The following KIF16B variants were observed in gnomAD, a reference collection of about 807,000 sequenced individuals.
KIF16B encodes kinesin-like protein KIF16B.
A neutral mutation model predicts 156.3 loss-of-function variants in KIF16B; 98 were observed. The ratio of observed to expected loss-of-function variants is 0.63; its 90% CI spans 0.53 to 0.74. The LOEUF (loss-of-function observed/expected upper bound fraction) is 0.74. Among genes scored for constraint, KIF16B ranks in the 30% least tolerant of loss-of-function variants. KIF16B has a pLI of 0.00. For missense variants in KIF16B, 1,421 were observed against 1,606.5 expected (o/e 0.88, Z 1.97); for synonymous variants, 564 against 583.7 (o/e 0.97, Z 0.49).
chr20:16,444,216 C>A (rs921653655), intron 12 of KIF16B, among the ~76,000 whole-genome samples: 2 of 152,210 alleles, frequency 1.3e-5, no homozygotes, highest in Non-Finnish European at 1.5e-5. Context: ...GCAGTGTCTT[C>A]TACAGTGAAA....
chr20:16,564,207 A>G (rs1254917376), intron 1 of KIF16B, among the ~76,000 whole-genome samples: 1 of 152,172 alleles, frequency 6.6e-6, no homozygotes, highest in East Asian at 1.9e-4. Flanking sequence ...TCCTTGCGGT[A>G]ATTTGCTGAG....
intron 12 of KIF16B, among the ~76,000 whole-genome samples, chr20:16,471,888 G>A (rs915595170): frequency 1.6e-4 from 25 of 152,246 alleles, no homozygotes; most frequent in African/African-American, 6.0e-4. Context: ...GAAATTCTGT[G>A]ATTACACAAA....
At chr20:16,366,067 T>G (rs1409677925) in intron 22 of KIF16B, among the ~76,000 whole-genome samples, 1 of 85,458 alleles carries the variant, frequency 1.2e-5, no homozygotes, top group Admixed American at 1.1e-4. Context: ...ATAGGATTTT[T>G]GGACAGAGGG....
At chr20:16,502,497 C>T (rs1428657480) in intron 10 of KIF16B, among the ~76,000 whole-genome samples, 3 of 152,060 alleles carry the variant, frequency 2.0e-5, no homozygotes, top group African/African-American at 7.2e-5. Flanking sequence ...ATTTTATCTG[C>T]AATGCGTTCT....
intron 23 of KIF16B, among the ~76,000 whole-genome samples, chr20:16,343,385 G>A (rs1434392673): frequency 1.3e-5 from 2 of 152,208 alleles, no homozygotes; most frequent in Non-Finnish European, 2.9e-5. Context: ...ATCTAGCAGT[G>A]TAAAGAGGAG....
rs577580814 is a variant in KIF16B at position 16,371,482 on chromosome 20, T to C, written c.3447+183A>G. On this transcript the variant is annotated intron_variant, in intron 21 of 25. Transcript: ENST00000354981. ...GGCAGGCGCCTATAGTCCCAGCTAC[T>C]TGGGAGGCTGAGGCATGAGAGTTGT... Among the ~76,000 whole-genome samples, 3 of 151,064 alleles carry C rather than the reference T, an allele frequency of 2.0e-5. 1 individual carries two copies. The highest frequency in any genetic ancestry group is 4.4e-5 in the Non-Finnish European group (3 of 67,846).
chr20:16,414,786 C>G (rs746052071), intron 15 of KIF16B, among the ~76,000 whole-genome samples: 8 of 152,106 alleles, frequency 5.3e-5, no homozygotes, highest in Non-Finnish European at 7.4e-5. Flanking sequence ...ACACCTCATG[C>G]GAGAAACAAA....
In KIF16B at chr20:16,280,867, T is replaced by TGTGTGTGTGTGTGCGC. The variant is rs758721339; in HGVS notation, c.3796-7457_3796-7456insGCGCACACACACACAC. ...GTGTGTGTGTGTGTGTGTGTGTGTG[T>TGTGTGTGTGTGTGCGC]GCGCAGAAAATGCAAGCATGAGAAT... On this transcript the variant is annotated intron_variant, in intron 25 of 25. Coordinates refer to ENST00000354981, the MANE Select transcript of KIF16B (RefSeq NM_024704.5). Among the ~76,000 whole-genome samples the TGTGTGTGTGTGTGCGC allele has an allele frequency of 4.8e-3, 724 of 150,888 alleles. 3 individuals carry two copies. The highest frequency in any genetic ancestry group is 0.015 in the African/African-American group (622 of 40,950).
chr20:16,527,213 G>C (rs1439356405), intron 2 of KIF16B, among the ~76,000 whole-genome samples: 1 of 152,230 alleles, frequency 6.6e-6, no homozygotes, highest in African/African-American at 2.4e-5. Context: ...GAGCTGGAAG[G>C]CACAAGGGTT....
chr20:16,284,637 C>G (rs893170521), intron 25 of KIF16B, among the ~76,000 whole-genome samples: 2 of 152,154 alleles, frequency 1.3e-5, no homozygotes, highest in African/African-American at 4.8e-5. Flanking sequence ...TTCGCCATGT[C>G]GTGTAGCACA....
intron 14 of KIF16B, among the ~76,000 whole-genome samples, chr20:16,427,702 C>T (rs895799955): frequency 6.6e-6 from 1 of 152,024 alleles, no homozygotes; most frequent in East Asian, 1.9e-4. Flanking sequence ...GGAGCAGAAA[C>T]CCAAGGTGAA....
At chr20:16,316,297 C>A (rs2063697105) in intron 24 of KIF16B, among the ~76,000 whole-genome samples, 1 of 152,172 alleles carries the variant, frequency 6.6e-6, no homozygotes. Flanking sequence ...TAAGCCAATC[C>A]ATTTCAAAAG....
intron 12 of KIF16B, among the ~76,000 whole-genome samples, chr20:16,443,388 A>G (rs777611268): frequency 4.6e-5 from 7 of 152,216 alleles, no homozygotes; most frequent in Non-Finnish European, 8.8e-5. Flanking sequence ...AGGACAGGTG[A>G]CTGAATAAAT....
chr20:16,389,010 T>C (rs1050128297), intron 17 of KIF16B, among the ~76,000 whole-genome samples: 1 of 151,952 alleles, frequency 6.6e-6, no homozygotes, highest in Non-Finnish European at 1.5e-5. Flanking sequence ...GCCCACAACA[T>C]GCACGGAAGG....
At chr20:16,412,705 A>ATC (rs2065989295) in intron 15 of KIF16B, among the ~76,000 whole-genome samples, 1 of 152,090 alleles carries the variant, frequency 6.6e-6, no homozygotes, top group African/African-American at 2.4e-5. Flanking sequence ...TGATTCAACT[A>ATC]TCTCCCACCA....
intron 15 of KIF16B, among the ~76,000 whole-genome samples, chr20:16,416,295 T>C (rs2066085782): frequency 6.6e-6 from 1 of 152,206 alleles, no homozygotes; most frequent in Non-Finnish European, 1.5e-5. Context: ...CATGCCTATG[T>C]CCTGAATGGT....
intron 1 of KIF16B, among the ~76,000 whole-genome samples, chr20:16,549,626 A>T (rs1255237495): frequency 1.3e-5 from 2 of 151,974 alleles, no homozygotes; most frequent in African/African-American, 4.8e-5. Context: ...CCAAAACAGC[A>T]TGGTACTGGT....
At chr20:16,553,148 A>T (rs367982097) in intron 1 of KIF16B, among the ~76,000 whole-genome samples, 2 of 152,010 alleles carry the variant, frequency 1.3e-5, no homozygotes, top group African/African-American at 4.8e-5. Context: ...ATTTCGTGAG[A>T]CTTTGTAGCT....
intron 15 of KIF16B, among the ~76,000 whole-genome samples, chr20:16,410,129 G>C (rs1308519601): frequency 7.7e-6 from 1 of 129,064 alleles, no homozygotes; most frequent in Non-Finnish European, 1.7e-5. Context: ...ATATATGTAG[G>C]TACATATATA....
Sources: allele counts gnomAD v4.1 joint callset (sites outside exome capture counted in the v4.1 genomes callset), GRCh38; gene constraint gnomAD v4.1.1; transcripts MANE v1.5; gene names NCBI Gene and HGNC (gene_info 2026-07-23, HGNC 2026-07-21).